Variants in IDO2 observed in about 807,000 individuals in gnomAD.
IDO2 encodes indoleamine 2,3-dioxygenase-like 1 protein.
Under a neutral mutation model 45.1 loss-of-function variants are expected in IDO2, and 46 were observed. The ratio of observed to expected loss-of-function variants is 1.02; its 90% CI spans 0.80 to 1.30. The LOEUF (loss-of-function observed/expected upper bound fraction) is 1.30. IDO2 is among the 50% of genes most tolerant of loss of function. IDO2 has a pLI of 0.00. For synonymous variants in IDO2, 218 were observed against 184.9 expected, an observed-to-expected ratio of 1.18 and a Z score of -1.45; for missense variants, 544 against 491.8, an observed-to-expected ratio of 1.11 and a Z score of -1.00.
chr8:39,943,664 G>T (rs1341172272), intron 1 of IDO2, among the ~76,000 whole-genome samples: 1 of 150,432 alleles, frequency 6.6e-6, no homozygotes, highest in South Asian at 2.1e-4. Flanking sequence ...GTGAACCCCG[G>T]GGGGCGGAGC....
intron 7 of IDO2, 51 bp downstream of exon 7, chr8:39,988,021 A>G: frequency 1.9e-6 from 2 of 1,064,430 alleles, no homozygotes; most frequent in Admixed American, 2.1e-5. Flanking sequence ...CTTGAGCTTT[A>G]CTTCCCACTC....
intron 9 of IDO2, among the ~76,000 whole-genome samples, chr8:40,010,699 C>T (rs1802297510): frequency 6.6e-6 from 1 of 151,988 alleles, no homozygotes; most frequent in African/African-American, 2.4e-5. Context: ...TTTTGGGGTC[C>T]TGGTTCACTG....
exon 11 of IDO2, chr8:40,016,003 C>T (rs1802382882): frequency 5.2e-6 from 2 of 383,498 alleles, no homozygotes; most frequent in East Asian, 3.7e-5. Flanking sequence ...TAAGTTCATA[C>T]TGAGCACTGC....
intron 8 of IDO2, among the ~76,000 whole-genome samples, chr8:40,003,397 C>CA (rs139330295): frequency 6.9e-6 from 1 of 143,910 alleles, no homozygotes; most frequent in South Asian, 2.1e-4. Flanking sequence ...AAAAAGAAAA[C>CA]GAGAATATAT....
chr8:39,998,719 C>A (rs1351126448), intron 8 of IDO2, among the ~76,000 whole-genome samples: 3 of 142,388 alleles, frequency 2.1e-5, no homozygotes, highest in African/African-American at 5.2e-5. Context: ...CGGCTCACTA[C>A]AACCTGTGCC....
Position 39,989,704 on chromosome 8 carries a change from A to G in IDO2, c.550-17A>G. ...AAGGGAGTGCTAATAAGTTGTGTAC[A>G]TGCATCTCATCCCTAGGCTCTTGTT... On this transcript the variant is annotated splice_polypyrimidine_tract_variant and intron_variant, in intron 7 of 10. Coordinates refer to ENST00000502986, the Ensembl canonical transcript of IDO2. 6.5e-7 allele frequency: 1 copy of G among 1,527,932 alleles called. No individual in the cohort carries two copies. The highest frequency in any genetic ancestry group is 8.9e-7 in the Non-Finnish European group (1 of 1,122,682). The allele number at this position is 1,527,932 out of a possible 1,614,324, so 94.6% of individuals were successfully genotyped here. A position where few individuals can be genotyped will look rare whatever the true frequency, so the allele number is the denominator to read the frequency against.
Position 39,963,494 on chromosome 8 carries a change from G to A in IDO2, c.100-114G>A, listed in dbSNP as rs142693891. 1.1e-3 allele frequency: 693 copies of A among 638,280 alleles called. 6 individuals are homozygous for A. The East Asian group carries it at 0.018, about 16-fold the overall frequency. 39.5% of individuals were successfully genotyped at this position (638,280 alleles called of 1,614,324 possible). A position where few individuals can be genotyped will look rare whatever the true frequency, so the allele number is the denominator to read the frequency against. On this transcript the variant is annotated intron_variant, in intron 2 of 10. Transcript: ENST00000502986. ...AGCATATGGTGCATTCTCAATGTTC[G>A]TTCAACTGCATTGACTTGAATTCCC...
At chr8:39,936,157 C>G (rs1436506161) in intron 1 of IDO2, among the ~76,000 whole-genome samples, 1 of 152,126 alleles carries the variant, frequency 6.6e-6, no homozygotes, top group Non-Finnish European at 1.5e-5. Context: ...GAATATGCTT[C>G]CAGATTTATT....
intron 9 of IDO2, among the ~76,000 whole-genome samples, chr8:40,008,254 C>A (rs1021185582): frequency 6.6e-6 from 1 of 152,198 alleles, no homozygotes; most frequent in Admixed American, 6.5e-5. Context: ...CCATGTTGGC[C>A]AGGCTGGTCT....
At chr8:39,951,667 T>C (rs1212731149) in intron 2 of IDO2, among the ~76,000 whole-genome samples, 1 of 152,230 alleles carries the variant, frequency 6.6e-6, no homozygotes, top group East Asian at 1.9e-4. Context: ...GCCAGTCTTC[T>C]GACCTTGAGC....
chr8:39,982,732 C>T, exon 5 of IDO2: 1 of 1,609,450 alleles, frequency 6.2e-7, no homozygotes, highest in Non-Finnish European at 8.5e-7. Flanking sequence ...TCCACTCAGA[C>T]TTGGTGCTGA....
exon 11 of IDO2, chr8:40,015,502 A>G (rs771915562): frequency 6.2e-7 from 1 of 1,613,966 alleles, no homozygotes; most frequent in South Asian, 1.1e-5. Context: ...GGGCCTCCTC[A>G]GGCTTTAAAA....
intron 6 of IDO2, 187 bp from the exon 7 acceptor site, chr8:39,987,684 A>C (rs1217000067): frequency 3.7e-6 from 2 of 546,034 alleles, no homozygotes; most frequent in African/African-American, 3.8e-5. Context: ...AATTGAACTT[A>C]TCTGTTCTCT....
intron 3 of IDO2, among the ~76,000 whole-genome samples, chr8:39,970,814 T>C (rs1808166489): frequency 6.8e-6 from 1 of 147,438 alleles, no homozygotes. Flanking sequence ...GTCGCCAGGC[T>C]GGAGTGCAGT....
intron 3 of IDO2, among the ~76,000 whole-genome samples, chr8:39,976,641 T>G (rs550348670): frequency 4.0e-4 from 61 of 152,336 alleles, no homozygotes; most frequent in African/African-American, 1.4e-3. Context: ...TGTTGCAGAT[T>G]CTAAAGAAAT....
intron 2 of IDO2, among the ~76,000 whole-genome samples, chr8:39,962,592 A>G (rs1484326311): frequency 6.6e-6 from 1 of 152,170 alleles, no homozygotes; most frequent in East Asian, 1.9e-4. Flanking sequence ...AGGCAGGTGG[A>G]CATAGTGAAG....
exon 7 of IDO2, chr8:39,987,916 T>C: frequency 6.2e-7 from 1 of 1,612,094 alleles, no homozygotes; most frequent in Non-Finnish European, 8.5e-7. Flanking sequence ...AGAGCCTGCA[T>C]GGTTTTATAC....
At chr8:40,015,408 C>T (rs745850654) in exon 11 of IDO2, 59 of 1,613,812 alleles carry the variant, frequency 3.7e-5, no homozygotes, top group East Asian at 6.7e-5. Context: ...GGCAGAGCTG[C>T]GGAGCTATCA....
intron 7 of IDO2, among the ~76,000 whole-genome samples, chr8:39,988,346 A>T (rs1808454118): frequency 1.3e-5 from 2 of 152,162 alleles, no homozygotes; most frequent in South Asian, 4.1e-4. Flanking sequence ...GAAATTCTTC[A>T]GGAGTCAGAC....
Sources: allele counts gnomAD v4.1 joint callset (sites outside exome capture counted in the v4.1 genomes callset), GRCh38; gene constraint gnomAD v4.1.1; transcripts MANE v1.5; gene names NCBI Gene and HGNC (gene_info 2026-07-23, HGNC 2026-07-21).